CTNNBL1: variants seen among roughly 807,000 people sequenced by gnomAD.
CTNNBL1 encodes catenin beta like 1.
CTNNBL1 carries 31 observed loss-of-function variants against 72.7 expected under a neutral mutation model. That is an observed-to-expected ratio of 0.43 (90% confidence interval 0.32 to 0.58). CTNNBL1 has a LOEUF of 0.58. Ranked by LOEUF, CTNNBL1 falls within the 20% of genes least tolerant of loss-of-function variation. The pLI is 0.08. For missense variants in CTNNBL1, 534 were observed against 725.1 expected, an observed-to-expected ratio of 0.74 and a Z score of 3.03; for synonymous variants, 240 against 267.3, an observed-to-expected ratio of 0.90 and a Z score of 1.00.
At chr20:37,839,562 G>T (rs2122810854) in intron 11 of CTNNBL1, among the ~76,000 whole-genome samples, 1 of 152,330 alleles carries the variant, frequency 6.6e-6, no homozygotes, top group African/African-American at 2.4e-5. Flanking sequence ...CTGTTTTGAA[G>T]TGCTTACAGT....
At chr20:37,855,144 A>G (rs921963807) in intron 13 of CTNNBL1, among the ~76,000 whole-genome samples, 3 of 147,268 alleles carry the variant, frequency 2.0e-5, no homozygotes, top group Non-Finnish European at 4.5e-5. Flanking sequence ...ACCCCTTTCT[A>G]ATGTTTCCAT....
At chr20:37,831,721 C>A (rs1422420635) in intron 11 of CTNNBL1, among the ~76,000 whole-genome samples, 1 of 152,128 alleles carries the variant, frequency 6.6e-6, no homozygotes, top group Non-Finnish European at 1.5e-5. Context: ...CTAGAGTGGG[C>A]TAGCTTTCAT....
chr20:37,846,971 G>A (rs1301820542), intron 13 of CTNNBL1, among the ~76,000 whole-genome samples: 3 of 152,084 alleles, frequency 2.0e-5, no homozygotes, highest in Non-Finnish European at 4.4e-5. Flanking sequence ...CGTTTTCTCA[G>A]GACAGCGTGC....
Position 37,726,452 on chromosome 20 carries a change from C to T in CTNNBL1, c.31-6427C>T, listed in dbSNP as rs553271512. Among the ~76,000 whole-genome samples, 66 of 152,326 alleles carry T rather than the reference C, an allele frequency of 4.3e-4. 1 individual carries two copies. Among genetic ancestry groups the T allele is most frequent in the Non-Finnish European group, 8.2e-4 (56 of 68,032 alleles). On this transcript the variant is annotated intron_variant, in intron 1 of 15. Transcript: ENST00000361383. ...GGGATTTAGAAGCCTTGTGGTCTTG[C>T]TCACCATAGGCAAGTTGCTTAAACT...
chr20:37,844,264 G>A (rs1458206011), intron 13 of CTNNBL1, among the ~76,000 whole-genome samples: 1 of 152,106 alleles, frequency 6.6e-6, no homozygotes, highest in African/African-American at 2.4e-5. Context: ...AGGGGACCTA[G>A]GATTTAAGAG....
At chr20:37,803,805 G>C (rs1363952047) in intron 11 of CTNNBL1, among the ~76,000 whole-genome samples, 1 of 152,114 alleles carries the variant, frequency 6.6e-6, no homozygotes, top group African/African-American at 2.4e-5. Flanking sequence ...AAGCTGAGCT[G>C]ACTGGCTCAT....
rs202016331 is a variant in CTNNBL1, at chr20:37,732,936, C to G, written c.88C>G (p.Arg30Gly). 2.9e-5 allele frequency: 46 copies of G among 1,613,794 alleles called. No homozygotes were observed. Among genetic ancestry groups the G allele is most frequent in the South Asian group, 1.1e-5 (1 of 91,058 alleles). Reference protein sequence around the residue: ...DDEEEEQKMRRKQTGTRERGR... With the variant: ...DDEEEEQKMRGKQTGTRERGR... ...TGAAGAGGAGGAGCAGAAGATGCGT[C>G]GGAAACAAACTGGTACTCGAGAACG... is the stretch of plus-strand genomic sequence containing the variant. The change falls in exon 2 of 16, where the codon CGG becomes GGG. Residue 30 changes from arginine to glycine, a missense_variant. Transcript: ENST00000361383.
intron 1 of CTNNBL1, among the ~76,000 whole-genome samples, chr20:37,732,560 T>C (rs532121516): frequency 3.3e-5 from 5 of 152,380 alleles, no homozygotes. Flanking sequence ...GGTATATTTA[T>C]AGAATCATTA....
At chr20:37,843,764 C>T (rs148600539) in intron 13 of CTNNBL1, among the ~76,000 whole-genome samples, 33 of 152,310 alleles carry the variant, frequency 2.2e-4, no homozygotes, top group African/African-American at 7.5e-4. Context: ...TTCATGAACA[C>T]CAGCAGATAG....
intron 3 of CTNNBL1, 49 bp downstream of exon 3, chr20:37,737,533 G>C (rs2073181605): frequency 7.6e-7 from 1 of 1,311,094 alleles, no homozygotes; most frequent in East Asian, 2.4e-5. Flanking sequence ...GCGTTTCGTT[G>C]GCTAATTTTG....
intron 3 of CTNNBL1, among the ~76,000 whole-genome samples, chr20:37,743,227 G>A (rs2073233594): frequency 6.6e-6 from 1 of 151,132 alleles, no homozygotes; most frequent in African/African-American, 2.4e-5. Flanking sequence ...CTTTTGTCAG[G>A]TTGTTCTCCA....
chr20:37,729,857 G>C (rs2073115178), intron 1 of CTNNBL1, among the ~76,000 whole-genome samples: 1 of 152,134 alleles, frequency 6.6e-6, no homozygotes, highest in Non-Finnish European at 1.5e-5. Context: ...CTGGCATGTT[G>C]CTTTCCTTTT....
chr20:37,798,854 C>T (rs995748546), intron 10 of CTNNBL1, among the ~76,000 whole-genome samples: 1 of 152,142 alleles, frequency 6.6e-6, no homozygotes, highest in African/African-American at 2.4e-5. Context: ...GAGGCCTTTT[C>T]CTGAGTGACT....
intron 1 of CTNNBL1, among the ~76,000 whole-genome samples, 164 bp from the exon 2 acceptor site, chr20:37,732,715 A>G (rs1163507839): frequency 6.6e-6 from 1 of 152,134 alleles, no homozygotes; most frequent in East Asian, 1.9e-4. Context: ...TATTTTTTGT[A>G]GAGTCAGGGT....
chr20:37,830,128 A>ATT lies in CTNNBL1; in HGVS notation c.1214-9965_1214-9964dup, dbSNP rs61037468. On this transcript the variant is annotated intron_variant, in intron 11 of 15. Transcript: ENST00000361383. ...GGATTACAAGCGTGAGCCAACTGTA[A>ATT]TTTTTTTTTTAAATTTTAACAGCTT... is the stretch of plus-strand genomic sequence containing the variant. Among the ~76,000 whole-genome samples, 83 of 151,216 alleles carry ATT rather than the reference A, an allele frequency of 5.5e-4. 1 individual carries two copies. The highest frequency in any genetic ancestry group is 6.8e-3 in the Middle Eastern group (2 of 292).
Position 37,872,012 on chromosome 20 carries a change from A to G in CTNNBL1, c.1691A>G (p.Ter564TrpextTer?). Reference sequence around the variant, plus strand: ...ATCCTGGGCTTGCTGGAGAACTTCTAGAGGCACCTTGGCCCTGCGCATCAT... The same window carrying G: ...ATCCTGGGCTTGCTGGAGAACTTCTGGAGGCACCTTGGCCCTGCGCATCAT... ...KRILGLLENF* is the reference protein window; with the variant it reads ...KRILGLLENFW The change falls in exon 16 of 16, where the codon TAG becomes TGG. Residue 564 changes from the stop codon to tryptophan (W), a stop_lost. Coordinates refer to ENST00000361383, the MANE Select transcript of CTNNBL1 (RefSeq NM_030877.5). The G allele has an allele frequency of 1.2e-6, 2 of 1,613,734 alleles. No individual in the cohort carries two copies. Among genetic ancestry groups the G allele is most frequent in the Non-Finnish European group, 1.7e-6 (2 of 1,179,640 alleles).
intron 3 of CTNNBL1, among the ~76,000 whole-genome samples, chr20:37,737,848 G>A (rs539700814): frequency 6.6e-6 from 1 of 152,318 alleles, no homozygotes; most frequent in South Asian, 2.1e-4. Flanking sequence ...GTCCAGGGAA[G>A]CCCATTTCAG....
chr20:37,754,056 A>G (rs1391903106), intron 4 of CTNNBL1, among the ~76,000 whole-genome samples: 1 of 152,200 alleles, frequency 6.6e-6, no homozygotes, highest in Non-Finnish European at 1.5e-5. Context: ...CTTGTCCTCA[A>G]GCTTGCATTG....
At position 37,697,899 on chromosome 20, in the gene CTNNBL1, G is replaced by A. The variant is rs77746154; in HGVS notation, c.30+3747G>A. 6.1e-3 allele frequency among the ~76,000 whole-genome samples: 924 copies of A among 152,270 alleles called. 10 individuals carry two copies. The highest frequency in any genetic ancestry group is 0.021 in the African/African-American group (881 of 41,550). On this transcript the variant is annotated intron_variant, in intron 1 of 15. Transcript: ENST00000361383. The stretch of plus-strand genomic sequence containing the variant: ...ATGTACCTCAAGGATTCCAATCTAG[G>A]TAGCTTTGCTTCGTGATCATAAACA...
Sources: gnomAD v4.1 joint callset for allele counts (sites outside exome capture counted in the v4.1 genomes callset) on GRCh38, gnomAD v4.1.1 for gene constraint, MANE v1.5 for transcripts, NCBI Gene and HGNC (gene_info 2026-07-23, HGNC 2026-07-21) for gene names.